Variants in GHRHR observed in about 807,000 individuals in gnomAD.
The protein encoded by GHRHR is growth hormone releasing hormone receptor.
Under a neutral mutation model 58.3 loss-of-function variants are expected in GHRHR, and 40 were observed. The ratio of observed to expected loss-of-function variants is 0.69; its 90% confidence interval spans 0.53 to 0.89. The LOEUF is 0.89. Ranked by LOEUF, GHRHR falls within the 40% of genes least tolerant of loss-of-function variation. The pLI is 0.00. For synonymous variants in GHRHR, 249 were observed against 216.6 expected, an observed-to-expected ratio of 1.15 and a Z score of -1.31; for missense variants, 551 against 541.3, an observed-to-expected ratio of 1.02 and a Z score of -0.18.
At chr7:30,973,062 C>G (rs975109919) in intron 6 of GHRHR, among the ~76,000 whole-genome samples, 2 of 152,028 alleles carry the variant, frequency 1.3e-5, no homozygotes, top group African/African-American at 4.8e-5. Context: ...CATAAATGAC[C>G]GATTAACACA....
rs1203248404 is a variant in GHRHR at position 30,974,001 on chromosome 7, C to T, written c.614C>T (p.Ser205Phe). 1.2e-6 allele frequency: 2 copies of T among 1,613,608 alleles called. No individual in the cohort carries two copies. Among genetic ancestry groups the T allele is most frequent in the Non-Finnish European group, 1.7e-6 (2 of 1,180,024 alleles). Reference protein sequence around the residue: ...CSFSTVLCKVSVAASHFATMT... With the variant: ...CSFSTVLCKVFVAASHFATMT... ...GGCCCCCAGGTTCTATGCAAGGTCT[C>T]TGTGGCCGCCTCCCATTTCGCCACC... Residue 205 changes from serine (S) to phenylalanine (F), a missense_variant, in exon 7 of 13, where the codon TCT (serine) becomes TTT (phenylalanine). Ser to Phe is a radical substitution (Grantham distance 155). Transcript: ENST00000326139.
At chr7:30,976,282 C>G in intron 10 of GHRHR, 147 bp from the exon 11 acceptor site, 1 of 742,020 alleles carries the variant, frequency 1.3e-6, no homozygotes, top group Non-Finnish European at 2.4e-6. Context: ...ATAAAAAAGC[C>G]CAGAGTGATT....
Position 30,974,060 on chromosome 7 carries a change from G to A in GHRHR, c.673G>A (p.Val225Ile), listed in dbSNP as rs28371560. 1.9e-3 allele frequency: 3,143 copies of A among 1,614,008 alleles called. 100 individuals carry two copies. In the East Asian group the frequency reaches 0.052, roughly 26 times the overall value. The change falls in exon 7 of 13, where the codon GTC becomes ATC. Residue 225 changes from valine to isoleucine, a missense_variant. Transcript: ENST00000326139. ...CTTCAGCTGGCTGTTGGCAGAAGCC[G>A]TCTACCTGAACTGCCTCCTGGCCTC... ...TNFSWLLAEA[V>I]YLNCLLASTS...
In GHRHR at chr7:30,979,071, C is replaced by G. The variant is rs185483560; in HGVS notation, c.1147-48C>G. 2.1e-5 allele frequency: 33 copies of G among 1,598,626 alleles called. No homozygotes were observed. The African/African-American group carries it at 4.3e-4, about 21-fold the overall frequency. On this transcript the variant is annotated intron_variant, in intron 12 of 12. Coordinates refer to ENST00000326139, the MANE Select transcript of GHRHR (RefSeq NM_000823.4). The stretch of plus-strand genomic sequence containing the variant: ...CCTTAGTCTCATTGGGGTTGAGTAG[C>G]AAAGCCACAGGGGGACCTTCCTAAC...
At chr7:30,966,642 G>GTT (rs57882266) in intron 1 of GHRHR, among the ~76,000 whole-genome samples, 8,513 of 148,372 alleles carry the variant, frequency 0.057, 748 homozygotes, top group African/African-American at 0.19. Flanking sequence ...GCTTCTTTTT[G>GTT]TTTTTTTTTT....
chr7:30,968,034 C>G (rs2128596929), intron 1 of GHRHR, among the ~76,000 whole-genome samples: 1 of 152,264 alleles, frequency 6.6e-6, no homozygotes, highest in South Asian at 2.1e-4. Flanking sequence ...ATCTCAGTTC[C>G]CACGGCACAC....
intron 12 of GHRHR, among the ~76,000 whole-genome samples, chr7:30,978,508 T>C (rs546411725): frequency 6.6e-6 from 1 of 152,320 alleles, no homozygotes; most frequent in South Asian, 2.1e-4. Context: ...ATTCCTTTTA[T>C]CTTTCACCAC....
At chr7:30,974,387 G>A (rs1338758242) in intron 7 of GHRHR, 42 bp from the exon 8 acceptor site, 2 of 1,435,090 alleles carry the variant, frequency 1.4e-6, no homozygotes, top group East Asian at 4.6e-5. Flanking sequence ...CAGAGTCAAG[G>A]ATGCAGACTC....
In GHRHR at chr7:30,975,799, A is replaced by G. The variant is rs1439115518; in HGVS notation, c.905A>G (p.Asn302Ser). Residue 302 changes from asparagine to serine, a missense_variant, in exon 10 of 13, where the codon AAT (asparagine) becomes AGT (serine). By Grantham distance (46) the Asn-to-Ser change is conservative. Transcript: ENST00000326139. ...SVGVNFGLFLNIIRILVRKLE... is the reference protein window; with the variant it reads ...SVGVNFGLFLSIIRILVRKLE... ...CAGGTGAACTTTGGGCTTTTTCTCA[A>G]TATTATCCGCATCCTGGTGAGGAAA... 3.1e-6 allele frequency: 5 copies of G among 1,611,074 alleles called. No homozygotes were observed. Among genetic ancestry groups the G allele is most frequent in the Non-Finnish European group, 4.2e-6 (5 of 1,177,508 alleles).
chr7:30,971,730 C>T (rs756989088), intron 5 of GHRHR, among the ~76,000 whole-genome samples: 12 of 152,174 alleles, frequency 7.9e-5, no homozygotes, highest in African/African-American at 2.2e-4. Context: ...TGAGCACCCT[C>T]GAGGCAGGGA....
chr7:30,973,181 A>G (rs1361916193), intron 6 of GHRHR, among the ~76,000 whole-genome samples: 1 of 152,186 alleles, frequency 6.6e-6, no homozygotes, highest in Non-Finnish European at 1.5e-5. Flanking sequence ...TTTTAAATGG[A>G]AGTGGATCAT....
intron 1 of GHRHR, 98 bp downstream of exon 1, chr7:30,964,223 C>T: frequency 9.2e-7 from 1 of 1,090,846 alleles, no homozygotes; most frequent in East Asian, 2.6e-5. Context: ...TACTGCCCTT[C>T]TCCTGCTCTA....
At chr7:30,967,148 T>C (rs1028987337) in intron 1 of GHRHR, among the ~76,000 whole-genome samples, 1 of 152,246 alleles carries the variant, frequency 6.6e-6, no homozygotes, top group Non-Finnish European at 1.5e-5. Context: ...TTCCCTTGTA[T>C]GTATCTGTTT....
chr7:30,974,025 C>A lies in GHRHR; in HGVS notation c.638C>A (p.Thr213Asn). The change falls in exon 7 of 13, where the codon ACC becomes AAC. Residue 213 changes from threonine to asparagine, a missense_variant. By Grantham distance (65) the Thr-to-Asn change is moderately conservative. Transcript: ENST00000326139. ...KVSVAASHFA[T>N]MTNFSWLLAE... ...TCTGTGGCCGCCTCCCATTTCGCCACCATGACCAACTTCAGCTGGCTGTTG... is the reference window on the plus strand; with the variant it reads ...TCTGTGGCCGCCTCCCATTTCGCCAACATGACCAACTTCAGCTGGCTGTTG... 1 of 1,614,016 alleles carries A rather than the reference C, an allele frequency of 6.2e-7. No homozygotes were observed. The highest frequency in any genetic ancestry group is 1.1e-5 in the South Asian group (1 of 91,080).
chr7:30,969,297 C>T, intron 3 of GHRHR, 127 bp downstream of exon 3: 1 of 715,584 alleles, frequency 1.4e-6, no homozygotes, highest in African/African-American at 1.7e-5. Flanking sequence ...CTGGGGTGAC[C>T]TCGGGCCAGT....
intron 1 of GHRHR, among the ~76,000 whole-genome samples, chr7:30,965,991 C>T (rs2128596497): frequency 1.3e-5 from 2 of 152,316 alleles, no homozygotes; most frequent in Middle Eastern, 3.4e-3. Flanking sequence ...CAAAATAAGA[C>T]CTGGAGCCTG....
intron 2 of GHRHR, 62 bp downstream of exon 2, chr7:30,968,998 C>T (rs1331185200): frequency 1.9e-6 from 3 of 1,544,984 alleles, no homozygotes; most frequent in Middle Eastern, 1.7e-4. Flanking sequence ...CAGCCTCACC[C>T]CTCGGATTAT....
At chr7:30,975,509 G>A (rs1792558944) in intron 9 of GHRHR, among the ~76,000 whole-genome samples, 2 of 152,166 alleles carry the variant, frequency 1.3e-5, no homozygotes, top group East Asian at 3.9e-4. Context: ...GAGCCTGGGA[G>A]GTGGCTGGAG....
chr7:30,975,717 C>T (rs1373026459), intron 9 of GHRHR, 60 bp from the exon 10 acceptor site: 4 of 979,164 alleles, frequency 4.1e-6, no homozygotes, highest in Non-Finnish European at 6.7e-6. Context: ...GGGCTCACCC[C>T]AGCCACCCAA....
Sources: gnomAD v4.1 joint callset for allele counts (sites outside exome capture counted in the v4.1 genomes callset) on GRCh38, gnomAD v4.1.1 for gene constraint, MANE v1.5 for transcripts, NCBI Gene and HGNC (gene_info 2026-07-23, HGNC 2026-07-21) for gene names.